CDH11: variants seen among roughly 807,000 people sequenced by gnomAD.
CDH11 encodes the protein cadherin 11, also known as cadherin-11.
Under a neutral mutation model 67.8 loss-of-function variants are expected in CDH11, and 11 were observed. That is an observed-to-expected ratio of 0.16 (90% CI 0.10 to 0.27). CDH11 has a LOEUF of 0.27. Among genes scored for constraint, CDH11 ranks in the 10% least tolerant of loss-of-function variants. CDH11 has a pLI of 1.00. For synonymous variants in CDH11, 419 were observed against 400.0 expected (o/e 1.05, Z -0.57); for missense variants, 847 against 1,031.2 (o/e 0.82, Z 2.45).
chr16:65,095,665 T>C (rs1442689625), intron 1 of CDH11, among the ~76,000 whole-genome samples: 1 of 152,188 alleles, frequency 6.6e-6, no homozygotes, highest in African/African-American at 2.4e-5. Context: ...ATCCCATCTG[T>C]GGACTGCAAT....
At chr16:64,976,264 C>G (rs1387410470) in intron 8 of CDH11, among the ~76,000 whole-genome samples, 1 of 151,972 alleles carries the variant, frequency 6.6e-6, no homozygotes, top group Non-Finnish European at 1.5e-5. Flanking sequence ...AATGCCTGGA[C>G]AGGGATCAAA....
rs568280241 is a variant in CDH11, at chr16:65,116,453, G to C, written c.-298+5427C>G. On this transcript the variant is annotated intron_variant, in intron 1 of 12. Coordinates refer to ENST00000268603, the MANE Select transcript of CDH11 (RefSeq NM_001797.4). ...GGGCTCCAGGCCATTTTCTTCAAGA[G>C]AGCTGAATGTGGAGAGCTAACTTTA... is the stretch of plus-strand genomic sequence containing the variant. 3.9e-5 allele frequency among the ~76,000 whole-genome samples: 6 copies of C among 152,192 alleles called. No homozygotes were observed. In the South Asian group the frequency reaches 6.2e-4, roughly 16 times the overall value.
intron 2 of CDH11, among the ~76,000 whole-genome samples, chr16:65,019,377 G>C (rs1428707533): frequency 6.6e-6 from 1 of 152,050 alleles, no homozygotes; most frequent in East Asian, 1.9e-4. Context: ...TGATAAAGTG[G>C]AGACTTAATT....
intron 11 of CDH11, among the ~76,000 whole-genome samples, chr16:64,955,195 G>A (rs1442918348): frequency 4.6e-5 from 7 of 152,068 alleles, no homozygotes; most frequent in Non-Finnish European, 1.0e-4. Context: ...GCAGTGAGCC[G>A]AGATCACGCT....
intron 11 of CDH11, among the ~76,000 whole-genome samples, chr16:64,966,745 A>G (rs1275724786): frequency 6.6e-6 from 1 of 152,172 alleles, no homozygotes; most frequent in Non-Finnish European, 1.5e-5. Flanking sequence ...TAGTAAATAG[A>G]CAAAAACTGA....
At position 65,038,365 on chromosome 16, in the gene CDH11, G is replaced by A. The variant is rs1453259010; in HGVS notation, c.-173+15439C>T. On this transcript the variant is annotated intron_variant, in intron 2 of 12. Transcript: ENST00000268603. ...AAATGCAGCAGTATTTACAAATCCT[G>A]AGTCGGATTTCCATCCTGTACAACA... Among the ~76,000 whole-genome samples, 3 of 152,104 alleles carry A rather than the reference G, an allele frequency of 2.0e-5. No homozygotes were observed. The East Asian group carries it at 5.8e-4, about 29-fold the overall frequency.
chr16:65,009,230 T>C (rs931353200), intron 2 of CDH11, among the ~76,000 whole-genome samples: 12 of 151,914 alleles, frequency 7.9e-5, no homozygotes, highest in Middle Eastern at 3.2e-3. Flanking sequence ...AAGTAGACTA[T>C]AATAAAAAAA....
At position 65,112,974 on chromosome 16, in the gene CDH11, C is replaced by G. The variant is rs142309507; in HGVS notation, c.-298+8906G>C. Among the ~76,000 whole-genome samples the G allele has an allele frequency of 2.2e-3, 329 of 152,280 alleles. 1 individual carries two copies. Among genetic ancestry groups the G allele is most frequent in the African/African-American group, 7.6e-3 (314 of 41,552 alleles). On this transcript the variant is annotated intron_variant, in intron 1 of 12. Coordinates refer to ENST00000268603, the MANE Select transcript of CDH11 (RefSeq NM_001797.4). ...CAAAGAAATCAGACCACAGGTACAACTATTAAAATAATCAATTAAAAAATG... is the reference window on the plus strand; with the variant it reads ...CAAAGAAATCAGACCACAGGTACAAGTATTAAAATAATCAATTAAAAAATG...
intron 7 of CDH11, 64 bp from the exon 8 acceptor site, chr16:64,982,365 C>A: frequency 7.7e-7 from 1 of 1,300,946 alleles, no homozygotes; most frequent in East Asian, 2.3e-5. Context: ...GAGAAAGACC[C>A]GATTGTTTTA....
At chr16:65,061,210 T>C (rs562570433) in intron 1 of CDH11, among the ~76,000 whole-genome samples, 7 of 152,332 alleles carry the variant, frequency 4.6e-5, no homozygotes, top group African/African-American at 1.7e-4. Context: ...AGAAATCACA[T>C]ATTATTCTCA....
At chr16:65,009,578 G>C (rs996123951) in intron 2 of CDH11, among the ~76,000 whole-genome samples, 1 of 152,100 alleles carries the variant, frequency 6.6e-6, no homozygotes, top group African/African-American at 2.4e-5. Flanking sequence ...TTAATAGGAG[G>C]CTGCCCTCCT....
At chr16:65,099,216 G>A (rs1218782675) in intron 1 of CDH11, among the ~76,000 whole-genome samples, 1 of 152,062 alleles carries the variant, frequency 6.6e-6, no homozygotes, top group Non-Finnish European at 1.5e-5. Flanking sequence ...GATCTCCCAA[G>A]GAGAGTAGAC....
At chr16:64,990,869 C>T (rs1462185120) in intron 6 of CDH11, among the ~76,000 whole-genome samples, 1 of 152,134 alleles carries the variant, frequency 6.6e-6, no homozygotes, top group Non-Finnish European at 1.5e-5. Context: ...TTTACACTAG[C>T]TCCTTTAGTT....
At chr16:64,958,749 C>T (rs1034310105) in intron 11 of CDH11, among the ~76,000 whole-genome samples, 6 of 152,054 alleles carry the variant, frequency 3.9e-5, no homozygotes, top group African/African-American at 1.2e-4. Context: ...TAGTTGAATT[C>T]CATCATAGCC....
At chr16:64,978,075 C>T (rs1208073348) in intron 8 of CDH11, among the ~76,000 whole-genome samples, 5 of 152,206 alleles carry the variant, frequency 3.3e-5, no homozygotes, top group South Asian at 2.1e-4. Context: ...TTCATTAGTG[C>T]CTCCCTAGGT....
intron 1 of CDH11, among the ~76,000 whole-genome samples, chr16:65,080,654 T>A (rs1203264986): frequency 6.6e-6 from 1 of 152,222 alleles, no homozygotes; most frequent in Non-Finnish European, 1.5e-5. Context: ...GTTAGCTGCT[T>A]CCCCTCTTTT....
Position 64,947,978 on chromosome 16 carries a change from G to T in CDH11, c.2016C>A (p.Asp672Glu). The change falls in exon 13 of 13, where the codon GAC (aspartate) becomes GAA (glutamate). Residue 672 changes from aspartate to glutamate, a missense_variant. Coordinates refer to ENST00000268603, the MANE Select transcript of CDH11 (RefSeq NM_001797.4). ...GGGTGGCAATATCAAAGGCTTCTGT[G>T]TCTTCTTCCCCACCCCCTTCATCAT... Reference protein sequence around the residue: ...TYDDEGGGEEDTEAFDIATLQ... With the variant: ...TYDDEGGGEEETEAFDIATLQ... 1 of 1,614,150 alleles carries T rather than the reference G, an allele frequency of 6.2e-7. No individual in the cohort carries two copies. The highest frequency in any genetic ancestry group is 8.5e-7 in the Non-Finnish European group (1 of 1,180,032).
rs761175633 is a variant in CDH11 at position 64,991,775 on chromosome 16, A to G, written c.804T>C (p.Phe268=). The G allele has an allele frequency of 4.3e-6, 7 of 1,612,610 alleles. No individual in the cohort carries two copies. Among genetic ancestry groups the G allele is most frequent in the Non-Finnish European group, 5.9e-6 (7 of 1,178,814 alleles). Residue 268 remains phenylalanine, a synonymous_variant, in exon 6 of 13, where the codon TTT becomes TTC. Transcript: ENST00000268603. ...LTDVNDNPPK[F]PQSVYQMSVS... ...CCAAGTCCACCTACTTACTCTGCGG[A>G]AACTTTGGTGGGTTGTCATTGACAT...
At chr16:64,992,620 C>T (rs1279264840) in intron 5 of CDH11, among the ~76,000 whole-genome samples, 1 of 152,222 alleles carries the variant, frequency 6.6e-6, no homozygotes, top group Non-Finnish European at 1.5e-5. Context: ...ATAGAGAGCA[C>T]TGTGGAAGAC....
Sources: gnomAD v4.1 joint callset for allele counts (sites outside exome capture counted in the v4.1 genomes callset) on GRCh38, gnomAD v4.1.1 for gene constraint, MANE v1.5 for transcripts, NCBI Gene and HGNC (gene_info 2026-07-23, HGNC 2026-07-21) for gene names.